Variants in DNAJC11 observed in about 807,000 individuals in gnomAD.
DNAJC11 encodes the protein dnaJ homolog subfamily C member 11.
DNAJC11 carries 15 observed loss-of-function variants against 78.6 expected under a neutral mutation model. The observed-to-expected ratio is 0.19, with a 90% CI of 0.13 to 0.29. The LOEUF is 0.29. Ranked by LOEUF, DNAJC11 falls within the 10% of genes least tolerant of loss-of-function variation. DNAJC11 has a pLI of 1.00. For missense variants in DNAJC11, 547 were observed against 709.6 expected (o/e 0.77, Z 2.60); for synonymous variants, 292 against 272.1 (o/e 1.07, Z -0.72).
chr1:6,638,262 GC>G lies in DNAJC11; in HGVS notation c.1323+32del, dbSNP rs941519109. 3.1e-6 allele frequency: 5 copies of G among 1,603,988 alleles called. No homozygotes were observed. In the African/African-American group the frequency reaches 6.7e-5, roughly 21 times the overall value. On this transcript the variant is annotated intron_variant, in intron 12 of 15. Coordinates refer to ENST00000377577, the MANE Select transcript of DNAJC11 (RefSeq NM_018198.4). The stretch of plus-strand genomic sequence containing the variant: ...TGGGGTGTGGAGTGTGTCCCCTACA[GC>G]CCTCGCTTGGGAACGGTGGGGCAGC...
At chr1:6,683,230 G>A (rs542284099) in intron 1 of DNAJC11, among the ~76,000 whole-genome samples, 8 of 152,156 alleles carry the variant, frequency 5.3e-5, no homozygotes, top group African/African-American at 1.7e-4. Flanking sequence ...CATGTGGTTC[G>A]CTCTGGGGCA....
intron 7 of DNAJC11, chr1:6,650,945 T>C (rs1642045298): frequency 2.4e-6 from 1 of 423,146 alleles, no homozygotes. Flanking sequence ...TATCTTCCTC[T>C]GGAAGAAAGA....
intron 1 of DNAJC11, among the ~76,000 whole-genome samples, chr1:6,687,496 A>G (rs1642675946): frequency 1.3e-5 from 2 of 151,680 alleles, no homozygotes; most frequent in African/African-American, 4.8e-5. Flanking sequence ...AGTTGGGACT[A>G]CAGGTGCCCG....
rs761808804 is a variant in DNAJC11, at chr1:6,634,508, C to A, written c.*1167G>T. On this transcript the variant is annotated 3_prime_UTR_variant, in exon 16 of 16. Coordinates refer to ENST00000377577, the MANE Select transcript of DNAJC11 (RefSeq NM_018198.4). The stretch of plus-strand genomic sequence containing the variant: ...GGCTGGAGGCCGGCGCAGCTTGGGG[C>A]CCCCCGCGCCAGCTGTCTCAGCCAC... 7.4e-7 allele frequency: 1 copy of A among 1,348,980 alleles called. No homozygotes were observed. The highest frequency in any genetic ancestry group is 1.5e-5 in the African/African-American group (1 of 67,580). 83.6% of individuals were successfully genotyped at this position (1,348,980 alleles called of 1,614,324 possible).
At chr1:6,655,740 T>C (rs562470584) in intron 4 of DNAJC11, among the ~76,000 whole-genome samples, 1 of 151,228 alleles carries the variant, frequency 6.6e-6, no homozygotes, top group Admixed American at 6.6e-5. Flanking sequence ...ACCTGAAAGG[T>C]GGAGGTTTCA....
chr1:6,652,382 A>G (rs979095617), intron 6 of DNAJC11, among the ~76,000 whole-genome samples: 4 of 152,152 alleles, frequency 2.6e-5, no homozygotes, highest in African/African-American at 9.7e-5. Flanking sequence ...TTCTATGCCA[A>G]TTTTAAACTG....
intron 4 of DNAJC11, among the ~76,000 whole-genome samples, chr1:6,663,301 C>A (rs1188109290): frequency 6.6e-6 from 1 of 151,996 alleles, no homozygotes; most frequent in Admixed American, 6.6e-5. Context: ...GCCCCCACAC[C>A]CCCAAACAAA....
At chr1:6,663,062 CATCAT>C (rs1200908911) in intron 4 of DNAJC11, among the ~76,000 whole-genome samples, 1 of 152,156 alleles carries the variant, frequency 6.6e-6, no homozygotes, top group Non-Finnish European at 1.5e-5. Flanking sequence ...CTGGCCGATA[CATCAT>C]TTACATTTTT....
Position 6,635,313 on chromosome 1 carries a change from G to C in DNAJC11, c.*362C>G, listed in dbSNP as rs905442314. The C allele has an allele frequency of 4.6e-6, 1 of 218,884 alleles. No homozygotes were observed. Among genetic ancestry groups the C allele is most frequent in the African/African-American group, 2.3e-5 (1 of 43,680 alleles). The allele number at this position is 218,884 out of a possible 1,614,324, so 13.6% of individuals were successfully genotyped here. A position where few individuals can be genotyped will look rare whatever the true frequency, so the allele number is the denominator to read the frequency against. On this transcript the variant is annotated 3_prime_UTR_variant, in exon 16 of 16. Transcript: ENST00000377577. ...CTCACGCTCCTGTGGTGAGGGCAGG[G>C]TGCTCCACAGACACCTCCAGACCCA...
intron 1 of DNAJC11, 140 bp downstream of exon 1, chr1:6,701,589 G>T: frequency 1.2e-6 from 1 of 811,680 alleles, no homozygotes; most frequent in Non-Finnish European, 1.8e-6. Context: ...GGCGGCTGGC[G>T]TGCACGTCGC....
At chr1:6,641,140 T>G (rs11809725) in intron 10 of DNAJC11, among the ~76,000 whole-genome samples, 6,756 of 151,566 alleles carry the variant, frequency 0.045, 278 homozygotes, top group African/African-American at 0.11. Flanking sequence ...AATCCTAGCA[T>G]TTTGGGAGGC....
rs559765876 is a variant in DNAJC11, at chr1:6,663,736, C to A, written c.378+3973G>T. Among the ~76,000 whole-genome samples, 5 of 152,240 alleles carry A rather than the reference C, an allele frequency of 3.3e-5. No individual in the cohort carries two copies. In the East Asian group the frequency reaches 5.8e-4, roughly 18 times the overall value. On this transcript the variant is annotated intron_variant, in intron 4 of 15. Coordinates refer to ENST00000377577, the MANE Select transcript of DNAJC11 (RefSeq NM_018198.4). ...TAAAGACACTGGGACCCCAGCAACC[C>A]AAGGGTGGCTTTTTCCAGCAGGACA...
In DNAJC11 at chr1:6,684,522, G is replaced by C. The variant is rs142001281; in HGVS notation, c.73-3485C>G. ...TAAAATTAAACTAGATGACAAGAGA[G>C]TAGAATATCTACTCTGCAAGACATT... On this transcript the variant is annotated intron_variant, in intron 1 of 15. Coordinates refer to ENST00000377577, the MANE Select transcript of DNAJC11 (RefSeq NM_018198.4). Among the ~76,000 whole-genome samples the C allele has an allele frequency of 5.1e-3, 774 of 152,270 alleles. 8 individuals carry two copies. Among genetic ancestry groups the C allele is most frequent in the African/African-American group, 0.017 (722 of 41,542 alleles).
Position 6,679,926 on chromosome 1 carries a change from T to A in DNAJC11, c.202+982A>T, listed in dbSNP as rs80082733. 2.6e-5 allele frequency among the ~76,000 whole-genome samples: 4 copies of A among 152,352 alleles called. No homozygotes were observed. The East Asian group carries it at 7.7e-4, about 29-fold the overall frequency. ...GCCATGCAAATGATCTGAATACAGT[T>A]AAATTTGGTAATGACACTACACCGA... On this transcript the variant is annotated intron_variant, in intron 2 of 15. Transcript: ENST00000377577.
chr1:6,667,602 T>C, intron 4 of DNAJC11, 107 bp downstream of exon 4: 1 of 913,128 alleles, frequency 1.1e-6, no homozygotes, highest in Non-Finnish European at 1.7e-6. Context: ...CACCAGCTTG[T>C]ATGTTTTTAC....
chr1:6,657,563 G>A (rs1642144546), intron 4 of DNAJC11, among the ~76,000 whole-genome samples: 1 of 152,244 alleles, frequency 6.6e-6, no homozygotes, highest in Admixed American at 6.5e-5. Context: ...TGGTTATACA[G>A]CAGCACATAA....
chr1:6,698,842 T>G (rs1642881231), intron 1 of DNAJC11, among the ~76,000 whole-genome samples: 1 of 151,040 alleles, frequency 6.6e-6, no homozygotes, highest in Non-Finnish European at 1.5e-5. Flanking sequence ...CTCTGGTGGC[T>G]GAGGTGGGAG....
intron 3 of DNAJC11, among the ~76,000 whole-genome samples, chr1:6,668,559 G>A (rs1206193080): frequency 6.6e-6 from 1 of 152,140 alleles, no homozygotes; most frequent in Non-Finnish European, 1.5e-5. Context: ...CTCCTTTTGA[G>A]CTTCTTGGAC....
intron 1 of DNAJC11, among the ~76,000 whole-genome samples, chr1:6,682,747 G>A (rs1642573939): frequency 1.3e-5 from 2 of 152,220 alleles, no homozygotes; most frequent in Admixed American, 1.3e-4. Flanking sequence ...GGGTAACATG[G>A]CGAAACCCCA....
Sources: allele counts gnomAD v4.1 joint callset (sites outside exome capture counted in the v4.1 genomes callset), GRCh38; gene constraint gnomAD v4.1.1; transcripts MANE v1.5; gene names NCBI Gene and HGNC (gene_info 2026-07-23, HGNC 2026-07-21).